Variants in ZMAT3 observed in about 807,000 individuals in gnomAD.
ZMAT3 encodes the protein zinc finger matrin-type protein 3.
A neutral mutation model predicts 32.3 loss-of-function variants in ZMAT3; 17 were observed. The ratio of observed to expected loss-of-function variants is 0.53; its 90% CI spans 0.36 to 0.79. The LOEUF (loss-of-function observed/expected upper bound fraction) is 0.79. ZMAT3 is among the 30% of genes least tolerant of loss of function. The pLI is 0.00. For missense variants in ZMAT3, 329 were observed against 359.7 expected, an observed-to-expected ratio of 0.91 and a Z score of 0.69; for synonymous variants, 120 against 133.1, an observed-to-expected ratio of 0.90 and a Z score of 0.68.
chr3:179,025,120 C>G lies in ZMAT3; in HGVS notation c.767G>C (p.Gly256Ala), dbSNP rs1299117934. Residue 256 changes from glycine to alanine, a missense_variant, in exon 6 of 6, where the codon GGC becomes GCC. Physicochemically the swap from Gly to Ala is moderately conservative, Grantham distance 60. Coordinates refer to ENST00000311417, the MANE Select transcript of ZMAT3 (RefSeq NM_022470.4). ...FYCSMCNVGA[G>A]EEMEFRQHLE... ...ATGCTGCCGGAATTCCATCTCTTCG[C>G]CAGCTCCAACATTACACATTGAGCA... The G allele has an allele frequency of 1.7e-5, 28 of 1,614,212 alleles. No homozygotes were observed. Among genetic ancestry groups the G allele is most frequent in the Non-Finnish European group, 2.4e-5 (28 of 1,180,040 alleles).
intron 2 of ZMAT3, among the ~76,000 whole-genome samples, chr3:179,044,815 G>A (rs1338034499): frequency 2.6e-5 from 4 of 151,896 alleles, no homozygotes; most frequent in Non-Finnish European, 4.4e-5. Flanking sequence ...TCACTCATAC[G>A]TGGGAATTGA....
chr3:179,026,522 G>T (rs1431766969), intron 5 of ZMAT3, among the ~76,000 whole-genome samples: 2 of 151,740 alleles, frequency 1.3e-5, no homozygotes, highest in East Asian at 1.9e-4. Context: ...AAGTAGCTGG[G>T]ATTACAGGCG....
At chr3:179,038,187 C>T (rs898241463) in intron 2 of ZMAT3, among the ~76,000 whole-genome samples, 1 of 152,158 alleles carries the variant, frequency 6.6e-6, no homozygotes, top group Non-Finnish European at 1.5e-5. Flanking sequence ...GTCTGAGATC[C>T]CTTTCAGATG....
At chr3:179,067,408 A>G (rs1180849298) in intron 2 of ZMAT3, 75 bp downstream of exon 2, 4 of 1,500,238 alleles carry the variant, frequency 2.7e-6, no homozygotes, top group Non-Finnish European at 3.7e-6. Flanking sequence ...TCATATCTGG[A>G]GAGACAACTG....
intron 1 of ZMAT3, among the ~76,000 whole-genome samples, chr3:179,070,847 T>G: frequency 6.6e-6 from 1 of 152,206 alleles, no homozygotes; most frequent in Non-Finnish European, 1.5e-5. Context: ...CATAGCATAC[T>G]TAGTTTTAAT....
chr3:179,072,310 G>C (rs1054927469), upstream of ZMAT3: 4 of 151,800 alleles, frequency 2.6e-5, no homozygotes, highest in Admixed American at 1.3e-4. Context: ...GCCCAGTATC[G>C]GCCTCCCTCA....
intron 3 of ZMAT3, 47 bp downstream of exon 3, chr3:179,030,833 T>TA (rs773671891): frequency 1.3e-6 from 2 of 1,584,610 alleles, no homozygotes; most frequent in Admixed American, 3.6e-5. Flanking sequence ...TTGTGCATAT[T>TA]ACAGCTTCCA....
At chr3:179,031,400 A>C (rs1480128775) in intron 2 of ZMAT3, among the ~76,000 whole-genome samples, 1 of 143,622 alleles carries the variant, frequency 7.0e-6, no homozygotes, top group Non-Finnish European at 1.5e-5. Context: ...TTAATCACTT[A>C]AAAAAAAAAA....
chr3:179,033,209 CAT>C (rs1229277048), intron 2 of ZMAT3, among the ~76,000 whole-genome samples: 3 of 152,214 alleles, frequency 2.0e-5, no homozygotes, highest in African/African-American at 7.2e-5. Context: ...CTCTCTGAAA[CAT>C]GTGCTGTGTC....
intron 3 of ZMAT3, among the ~76,000 whole-genome samples, chr3:179,028,603 CA>C (rs1315831221): frequency 6.6e-6 from 1 of 152,218 alleles, no homozygotes; most frequent in Non-Finnish European, 1.5e-5. Flanking sequence ...GGGTGGAGCC[CA>C]CTGAAAACAG....
intron 3 of ZMAT3, among the ~76,000 whole-genome samples, chr3:179,028,321 G>A (rs1383181742): frequency 6.6e-6 from 1 of 152,124 alleles, no homozygotes; most frequent in Non-Finnish European, 1.5e-5. Context: ...AAAATAAGTA[G>A]CAAATCCAGA....
intron 2 of ZMAT3, among the ~76,000 whole-genome samples, chr3:179,059,822 G>A (rs528189082): frequency 3.3e-5 from 5 of 152,164 alleles, no homozygotes; most frequent in Admixed American, 6.5e-5. Context: ...CTGTTGAGAG[G>A]GGGGACTGAG....
At position 179,067,678 on chromosome 3, in the gene ZMAT3, G is replaced by A; in HGVS notation, c.75C>T (p.Thr25=). The A allele has an allele frequency of 6.2e-7, 1 of 1,614,166 alleles. No individual in the cohort carries two copies. The highest frequency in any genetic ancestry group is 1.3e-5 in the African/African-American group (1 of 75,030). The part of the protein sequence containing the change: ...PSPSPPMSVA[T]RSTGTLQLPP... ...GAAGCTGCAAGGTTCCTGTAGACCT[G>A]GTGGCCACTGACATAGGAGGCGAGG... The change falls in exon 2 of 6, where the codon ACC becomes ACT. Residue 25 remains threonine, a synonymous_variant. Coordinates refer to ENST00000311417, the MANE Select transcript of ZMAT3 (RefSeq NM_022470.4).
intron 2 of ZMAT3, among the ~76,000 whole-genome samples, chr3:179,040,603 G>A (rs949184303): frequency 2.1e-4 from 29 of 138,804 alleles, no homozygotes; most frequent in Non-Finnish European, 3.3e-4. Context: ...AGAAACAACC[G>A]GTAACAACCA....
chr3:179,024,868 G>GGT lies in ZMAT3; in HGVS notation c.*148_*149insAC. The GGT allele has an allele frequency of 3.1e-6, 2 of 641,048 alleles. No homozygotes were observed. The highest frequency in any genetic ancestry group is 5.1e-6 in the Non-Finnish European group (2 of 390,726). The allele number at this position is 641,048 out of a possible 1,614,324, so 39.7% of individuals were successfully genotyped here. On this transcript the variant is annotated 3_prime_UTR_variant, in exon 6 of 6. Coordinates refer to ENST00000311417, the MANE Select transcript of ZMAT3 (RefSeq NM_022470.4). Reference sequence around the variant, plus strand: ...CCCCGCCCCGCCCCCGGGCCCCCAGGTTTTGACATCTCATGGTACCACTGT... The same window carrying GGT: ...CCCCGCCCCGCCCCCGGGCCCCCAGGGTTTTTGACATCTCATGGTACCACTGT...
At chr3:179,055,612 G>A (rs1388085117) in intron 2 of ZMAT3, among the ~76,000 whole-genome samples, 1 of 151,358 alleles carries the variant, frequency 6.6e-6, no homozygotes, top group African/African-American at 2.5e-5. Flanking sequence ...AGCAGTGAGA[G>A]GAGGAGAATT....
At chr3:179,029,849 G>C (rs952828111) in intron 3 of ZMAT3, among the ~76,000 whole-genome samples, 6 of 152,094 alleles carry the variant, frequency 3.9e-5, no homozygotes, top group Admixed American at 2.0e-4. Context: ...TTATTACTGA[G>C]TTTTTTGGCT....
intron 2 of ZMAT3, among the ~76,000 whole-genome samples, chr3:179,042,559 TGATG>T (rs1218253181): frequency 6.6e-6 from 1 of 152,204 alleles, no homozygotes; most frequent in Non-Finnish European, 1.5e-5. Context: ...AATTAGGTAT[TGATG>T]GAACGTATCT....
intron 2 of ZMAT3, among the ~76,000 whole-genome samples, chr3:179,040,148 A>C (rs1054938683): frequency 1.3e-5 from 2 of 152,252 alleles, no homozygotes; most frequent in African/African-American, 4.8e-5. Flanking sequence ...ACCAAGTTGG[A>C]AAACACTCTT....
Sources: gnomAD v4.1 joint callset for allele counts (sites outside exome capture counted in the v4.1 genomes callset) on GRCh38, gnomAD v4.1.1 for gene constraint, MANE v1.5 for transcripts, NCBI Gene and HGNC (gene_info 2026-07-23, HGNC 2026-07-21) for gene names.